CD226: variants seen among roughly 807,000 people sequenced by gnomAD.
CD226 encodes CD226 molecule, also known as CD226 antigen.
A neutral mutation model predicts 34.9 loss-of-function variants in CD226; 24 were observed. The ratio of observed to expected loss-of-function variants is 0.69; its 90% CI spans 0.50 to 0.97. The LOEUF is 0.97. CD226 is among the 50% of genes least tolerant of loss of function. The pLI, the probability that CD226 is intolerant of heterozygous loss-of-function variation, is 0.00. For missense variants in CD226, 397 were observed against 412.7 expected, an observed-to-expected ratio of 0.96 and a Z score of 0.33; for synonymous variants, 148 against 147.4, an observed-to-expected ratio of 1.00 and a Z score of -0.03.
chr18:69,901,770 T>G, intron 2 of CD226, among the ~76,000 whole-genome samples: 1 of 151,656 alleles, frequency 6.6e-6, no homozygotes. Flanking sequence ...TCCCAGCTAC[T>G]CAGGAGGCTG....
At chr18:69,880,892 C>A (rs1984218401) in intron 3 of CD226, among the ~76,000 whole-genome samples, 1 of 152,140 alleles carries the variant, frequency 6.6e-6, no homozygotes, top group Non-Finnish European at 1.5e-5. Context: ...CTCGAGGGAT[C>A]CACCTGCCTC....
upstream of CD226, among the ~76,000 whole-genome samples, chr18:69,960,752 A>G (rs2055926033): frequency 6.6e-6 from 1 of 152,216 alleles, no homozygotes; most frequent in Non-Finnish European, 1.5e-5. Flanking sequence ...GCCTGGCCAG[A>G]TACTTGATAA....
chr18:69,876,553 A>T (rs1198460536), intron 3 of CD226, among the ~76,000 whole-genome samples: 2 of 152,242 alleles, frequency 1.3e-5, no homozygotes, highest in Non-Finnish European at 2.9e-5. Context: ...TACTACAGAC[A>T]AAGTGGTAGG....
chr18:69,889,763 C>A (rs912744204), intron 3 of CD226, among the ~76,000 whole-genome samples: 3 of 152,102 alleles, frequency 2.0e-5, no homozygotes, highest in Non-Finnish European at 4.4e-5. Flanking sequence ...CACTCTATTC[C>A]CCTGTCCTTC....
chr18:69,895,348 C>T (rs1279678376), intron 3 of CD226, among the ~76,000 whole-genome samples: 1 of 152,146 alleles, frequency 6.6e-6, no homozygotes, highest in Admixed American at 6.5e-5. Flanking sequence ...CACCTTATCA[C>T]CACCATCAAA....
intron 2 of CD226, among the ~76,000 whole-genome samples, chr18:69,902,617 C>G (rs2055201420): frequency 6.6e-6 from 1 of 151,600 alleles, no homozygotes; most frequent in Non-Finnish European, 1.5e-5. Context: ...TCCCTGTCTA[C>G]TCACCATCGC....
chr18:69,899,837 AAATT>A (rs1475591259), intron 2 of CD226, among the ~76,000 whole-genome samples: 13 of 152,234 alleles, frequency 8.5e-5, no homozygotes, highest in Admixed American at 8.5e-4. Flanking sequence ...GTGGGAGTGT[AAATT>A]AATTCAACCA....
rs1568148564 is a variant in CD226 at position 69,858,522 on chromosome 18, G to A, written c.*5792C>T. The A allele has an allele frequency of 6.6e-6, 1 of 152,026 alleles. No homozygotes were observed. The highest frequency in any genetic ancestry group is 1.5e-5 in the Non-Finnish European group (1 of 68,036). The allele number at this position is 152,026 out of a possible 1,614,324, so 9.4% of individuals were successfully genotyped here. A position where few individuals can be genotyped will look rare whatever the true frequency, so the allele number is the denominator to read the frequency against. ...ATAGGGGCTCAGGACTCATCCGAAC[G>A]TGGGGTACTGATGCTGCTCAGATTC... On this transcript the variant is annotated 3_prime_UTR_variant, in exon 6 of 6. Transcript: ENST00000582621.
chr18:69,942,268 T>G (rs1264959437), intron 2 of CD226, among the ~76,000 whole-genome samples: 2 of 152,244 alleles, frequency 1.3e-5, no homozygotes, highest in Non-Finnish European at 2.9e-5. Flanking sequence ...TGGTTCTCTT[T>G]CTCTGGAGAA....
upstream of CD226, among the ~76,000 whole-genome samples, chr18:69,958,314 G>A (rs1381763202): frequency 1.3e-5 from 2 of 152,150 alleles, no homozygotes; most frequent in African/African-American, 4.8e-5. Flanking sequence ...TTGTAGAATA[G>A]GACGAAGCCA....
At chr18:69,923,953 C>CAA (rs558900004) in intron 2 of CD226, among the ~76,000 whole-genome samples, 14 of 74,520 alleles carry the variant, frequency 1.9e-4, no homozygotes, top group Middle Eastern at 8.6e-3. Flanking sequence ...GACTCCGTCT[C>CAA]AAAAAAAAAA....
chr18:69,895,055 A>T (rs1026896022), intron 3 of CD226, among the ~76,000 whole-genome samples: 2 of 152,148 alleles, frequency 1.3e-5, no homozygotes, highest in Non-Finnish European at 2.9e-5. Flanking sequence ...GTCACCAAAG[A>T]TCTAAGTCAG....
rs112148497 is a variant in CD226, at chr18:69,861,554, G to GTATATATATATATATATATATA, written c.*2759_*2760insTATATATATATATATATATATA. 0.03 allele frequency: 3,766 copies of GTATATATATATATATATATATA among 127,198 alleles called. 169 individuals carry two copies. Among genetic ancestry groups the GTATATATATATATATATATATA allele is most frequent in the Non-Finnish European group, 0.037 (2,237 of 60,046 alleles). The allele number at this position is 127,198 out of a possible 1,614,324, so 7.9% of individuals were successfully genotyped here. On this transcript the variant is annotated 3_prime_UTR_variant, in exon 6 of 6. Transcript: ENST00000582621. ...ATAAATTATATGTGTATATATATAT[G>GTATATATATATATATATATATA]TATATATATATATATATATGTAAAA...
chr18:69,921,021 G>A (rs919787627), intron 2 of CD226, among the ~76,000 whole-genome samples: 2 of 152,102 alleles, frequency 1.3e-5, no homozygotes, highest in Non-Finnish European at 2.9e-5. Context: ...GTCACAGGAC[G>A]CAATTGCTCA....
intron 2 of CD226, among the ~76,000 whole-genome samples, chr18:69,909,800 C>G (rs1028295134): frequency 1.3e-5 from 2 of 152,108 alleles, no homozygotes; most frequent in Non-Finnish European, 2.9e-5. Context: ...CAAATTAATC[C>G]TACGCAACAA....
chr18:69,934,051 T>C (rs2145338493), intron 2 of CD226, among the ~76,000 whole-genome samples: 1 of 152,290 alleles, frequency 6.6e-6, no homozygotes, highest in East Asian at 1.9e-4. Flanking sequence ...TAATGGGACT[T>C]TACAAAGGAT....
At chr18:69,868,761 C>A (rs1440265833) in intron 4 of CD226, among the ~76,000 whole-genome samples, 3 of 151,926 alleles carry the variant, frequency 2.0e-5, no homozygotes, top group Non-Finnish European at 4.4e-5. Context: ...CCAACCAGGC[C>A]CAAATGCACG....
intron 2 of CD226, among the ~76,000 whole-genome samples, chr18:69,919,125 A>G (rs975017232): frequency 2.0e-5 from 3 of 152,256 alleles, no homozygotes; most frequent in African/African-American, 7.2e-5. Context: ...AAAGGTTAAC[A>G]CTTTAAACAG....
At chr18:69,897,835 A>G (rs1203583832) in intron 2 of CD226, among the ~76,000 whole-genome samples, 1 of 152,204 alleles carries the variant, frequency 6.6e-6, no homozygotes, top group Non-Finnish European at 1.5e-5. Context: ...AGCCGCACCA[A>G]AAACTAGCTT....
Sources: allele counts gnomAD v4.1 joint callset (sites outside exome capture counted in the v4.1 genomes callset), GRCh38; gene constraint gnomAD v4.1.1; transcripts MANE v1.5; gene names NCBI Gene and HGNC (gene_info 2026-07-23, HGNC 2026-07-21).